Variants in EPHX1 observed in about 807,000 individuals in gnomAD.
EPHX1 encodes epoxide hydratase.
A neutral mutation model predicts 43.2 loss-of-function variants in EPHX1; 40 were observed. That is an observed-to-expected ratio of 0.93 (90% confidence interval 0.72 to 1.21). EPHX1 has a LOEUF of 1.21. Among genes scored for constraint, EPHX1 ranks in the 50% most tolerant of loss-of-function variants. The pLI is 0.00. For missense variants in EPHX1, 550 were observed against 570.4 expected, an observed-to-expected ratio of 0.96 and a Z score of 0.36; for synonymous variants, 221 against 226.7, an observed-to-expected ratio of 0.98 and a Z score of 0.22.
intron 6 of EPHX1, 73 bp downstream of exon 6, chr1:225,840,110 C>T (rs979918356): frequency 1.3e-5 from 18 of 1,405,844 alleles, no homozygotes; most frequent in Non-Finnish European, 1.8e-5. Context: ...GGTAACCTCA[C>T]CACCCCACCC....
At chr1:225,831,093 T>C (rs1189077099) in intron 2 of EPHX1, among the ~76,000 whole-genome samples, 1 of 147,632 alleles carries the variant, frequency 6.8e-6, no homozygotes, top group Non-Finnish European at 1.5e-5. Context: ...CATTCATCTG[T>C]GCATTGGCTG....
At position 225,839,847 on chromosome 1, in the gene EPHX1, C is replaced by T. The variant is rs34143170; in HGVS notation, c.741C>T (p.His247=). The change falls in exon 6 of 9, where the codon CAC becomes CAT. Residue 247 remains histidine, a synonymous_variant. Transcript: ENST00000272167. ...CCTTCAGCCACGTGAAAGGCCTGCA[C>T]TTGAACATGGCTTTGGTTTTAAGCA... The part of the protein sequence containing the change: ...QLVPSHVKGL[H]LNMALVLSNF... 0.06 allele frequency: 96,922 copies of T among 1,613,916 alleles called. 3,184 individuals carry two copies. Among genetic ancestry groups the T allele is most frequent in the Non-Finnish European group, 0.066 (77,995 of 1,179,886 alleles).
chr1:225,815,102 C>G (rs899945059), intron 1 of EPHX1, among the ~76,000 whole-genome samples: 1 of 147,866 alleles, frequency 6.8e-6, no homozygotes, highest in African/African-American at 2.4e-5. Flanking sequence ...ATGTAGCCAC[C>G]AGGTCGGGGC....
chr1:225,828,110 C>T (rs951001440), intron 1 of EPHX1, among the ~76,000 whole-genome samples: 1 of 152,164 alleles, frequency 6.6e-6, no homozygotes, highest in Non-Finnish European at 1.5e-5. Flanking sequence ...CTTTGGGAGG[C>T]CGAGGCGGGC....
At chr1:225,823,200 CTTTTT>C (rs11331330) in intron 1 of EPHX1, among the ~76,000 whole-genome samples, 1 of 148,222 alleles carries the variant, frequency 6.7e-6, no homozygotes, top group African/African-American at 2.5e-5. Context: ...CCCTTTATTA[CTTTTT>C]TTTTTTTTTA....
At chr1:225,820,657 C>G (rs1666941285) in intron 1 of EPHX1, among the ~76,000 whole-genome samples, 1 of 152,136 alleles carries the variant, frequency 6.6e-6, no homozygotes, top group African/African-American at 2.4e-5. Context: ...TCCACATGCT[C>G]TTCTTTCTGC....
chr1:225,844,367 C>T, intron 7 of EPHX1, 131 bp from the exon 8 acceptor site: 1 of 1,405,298 alleles, frequency 7.1e-7, no homozygotes, highest in South Asian at 1.2e-5. Context: ...GAGGATACCA[C>T]ACACGTTGCA....
At chr1:225,824,029 G>T (rs1438662283) in intron 1 of EPHX1, among the ~76,000 whole-genome samples, 1 of 152,124 alleles carries the variant, frequency 6.6e-6, no homozygotes, top group Admixed American at 6.5e-5. Context: ...TCCCTGCCTG[G>T]GCGGTGGGCA....
chr1:225,837,563 G>A (rs1320796828), intron 3 of EPHX1, among the ~76,000 whole-genome samples: 1 of 152,178 alleles, frequency 6.6e-6, no homozygotes, highest in Non-Finnish European at 1.5e-5. Context: ...TGTTGCCCAG[G>A]CTGGAGTGTG....
At chr1:225,844,444 G>A (rs1668738066) in intron 7 of EPHX1, 54 bp from the exon 8 acceptor site, 6 of 1,613,338 alleles carry the variant, frequency 3.7e-6, no homozygotes, top group Middle Eastern at 1.6e-4. Context: ...GCTGCCCTTT[G>A]TCACACAACT....
rs1329956370 is a variant in EPHX1, at chr1:225,844,753, T to C, written c.1166+130T>C. 4 of 1,429,108 alleles carry C rather than the reference T, an allele frequency of 2.8e-6. No homozygotes were observed. In the East Asian group the frequency reaches 7.4e-5, roughly 26 times the overall value. The allele number at this position is 1,429,108 out of a possible 1,614,324, so 88.5% of individuals were successfully genotyped here. A position where few individuals can be genotyped will look rare whatever the true frequency, so the allele number is the denominator to read the frequency against. On this transcript the variant is annotated intron_variant, in intron 8 of 8. Transcript: ENST00000272167. ...TTGCCTGCAGGTGCCCCAGGGGCCC[T>C]TGGATGGGAACACTAAAGGTCGAGG...
At chr1:225,827,779 C>A (rs1181240589) in intron 1 of EPHX1, among the ~76,000 whole-genome samples, 1 of 152,106 alleles carries the variant, frequency 6.6e-6, no homozygotes, top group Non-Finnish European at 1.5e-5. Flanking sequence ...TTTAAATGGG[C>A]GAATTGTATG....
At chr1:225,812,356 C>T (rs1190392901) in intron 1 of EPHX1, among the ~76,000 whole-genome samples, 1 of 152,238 alleles carries the variant, frequency 6.6e-6, no homozygotes, top group Non-Finnish European at 1.5e-5. Flanking sequence ...TCCTGCCTCT[C>T]AGCTGTGCCT....
At chr1:225,827,749 G>A (rs1667322338) in intron 1 of EPHX1, among the ~76,000 whole-genome samples, 1 of 152,216 alleles carries the variant, frequency 6.6e-6, no homozygotes, top group African/African-American at 2.4e-5. Context: ...GAATATCCTA[G>A]AAACCACTGG....
intron 1 of EPHX1, among the ~76,000 whole-genome samples, chr1:225,827,757 TGGAGG>T (rs1192483501): frequency 6.6e-6 from 1 of 152,246 alleles, no homozygotes; most frequent in Non-Finnish European, 1.5e-5. Context: ...TAGAAACCAC[TGGAGG>T]GTTCACTTTA....
intron 3 of EPHX1, among the ~76,000 whole-genome samples, chr1:225,833,843 A>T (rs1479202241): frequency 1.3e-5 from 2 of 151,160 alleles, no homozygotes; most frequent in East Asian, 3.9e-4. Flanking sequence ...CACGCCTGTA[A>T]TCCCAGCACT....
chr1:225,845,405 T>G lies in EPHX1; in HGVS notation c.*58T>G, dbSNP rs1668888575. The G allele has an allele frequency of 2.0e-6, 3 of 1,510,116 alleles. No homozygotes were observed. Among genetic ancestry groups the G allele is most frequent in the African/African-American group, 2.8e-5 (2 of 72,376 alleles). 93.5% of individuals were successfully genotyped at this position (1,510,116 alleles called of 1,614,324 possible). A position where few individuals can be genotyped will look rare whatever the true frequency, so the allele number is the denominator to read the frequency against. On this transcript the variant is annotated 3_prime_UTR_variant, in exon 9 of 9. Coordinates refer to ENST00000272167, the MANE Select transcript of EPHX1 (RefSeq NM_001136018.4). The stretch of plus-strand genomic sequence containing the variant: ...CCACAAGTGCCCTCCAGGCTTTTCT[T>G]GGGGAAGATACCCCTTTTCTGAGGA...
At chr1:225,831,660 A>T in intron 2 of EPHX1, 119 bp from the exon 3 acceptor site, 1 of 963,784 alleles carries the variant, frequency 1.0e-6, no homozygotes, top group Non-Finnish European at 1.6e-6. Context: ...CTGCCTTGCC[A>T]CTCCCAGAGG....
At chr1:225,838,965 G>C in intron 4 of EPHX1, 84 bp downstream of exon 4, 1 of 1,504,288 alleles carries the variant, frequency 6.6e-7, no homozygotes, top group Non-Finnish European at 9.2e-7. Flanking sequence ...CCTTCCGGCG[G>C]GGTGAGCAGG....
Sources: allele counts gnomAD v4.1 joint callset (sites outside exome capture counted in the v4.1 genomes callset), GRCh38; gene constraint gnomAD v4.1.1; transcripts MANE v1.5; gene names NCBI Gene and HGNC (gene_info 2026-07-23, HGNC 2026-07-21).